The following IGSF10 variants were observed in gnomAD, a reference collection of about 807,000 sequenced individuals.
IGSF10 encodes the protein calvaria mechanical force protein 608.
A neutral mutation model predicts 128.2 loss-of-function variants in IGSF10; 126 were observed. The observed-to-expected ratio is 0.98, with a 90% CI of 0.85 to 1.14. The LOEUF is 1.14. IGSF10 is among the 50% of genes most tolerant of loss of function. IGSF10 has a pLI of 0.00. For synonymous variants in IGSF10, 1,185 were observed against 1,146.2 expected (o/e 1.03, Z -0.68); for missense variants, 3,295 against 3,149.8 (o/e 1.05, Z -1.10).
At chr3:151,498,319 C>G in the IGSF10 span, among the ~76,000 whole-genome samples, 1 of 152,152 alleles carries the variant, frequency 6.6e-6, no homozygotes, top group East Asian at 1.9e-4. Flanking sequence ...TCATAGATAG[C>G]TCTCATTATT....
the IGSF10 span, among the ~76,000 whole-genome samples, chr3:151,489,741 T>C: frequency 6.6e-6 from 1 of 152,014 alleles, no homozygotes; most frequent in Non-Finnish European, 1.5e-5. Flanking sequence ...AAACACCACA[T>C]GTTCTCACTC....
the IGSF10 span, among the ~76,000 whole-genome samples, chr3:151,528,530 A>T: frequency 6.6e-6 from 1 of 152,194 alleles, no homozygotes; most frequent in East Asian, 1.9e-4. Context: ...GAATGGTTGG[A>T]CAGTGGGTGC....
At chr3:151,583,865 T>A in the IGSF10 span, among the ~76,000 whole-genome samples, 756 of 152,344 alleles carry the variant, frequency 5.0e-3, 9 homozygotes, top group Middle Eastern at 0.058. Context: ...ATTTGTCAAG[T>A]CTGACTTTTT....
intron 7 of IGSF10, among the ~76,000 whole-genome samples, chr3:151,439,961 A>C (rs1489536849): frequency 6.6e-6 from 1 of 152,168 alleles, no homozygotes; most frequent in Non-Finnish European, 1.5e-5. Context: ...GAAAGTAAAA[A>C]CTGTTTTCAT....
the IGSF10 span, among the ~76,000 whole-genome samples, chr3:151,507,292 C>A: frequency 6.6e-6 from 1 of 152,102 alleles, no homozygotes; most frequent in African/African-American, 2.4e-5. Context: ...CTGGGAGCCA[C>A]GTGGCTACTT....
chr3:151,492,808 AATC>A, the IGSF10 span, among the ~76,000 whole-genome samples: 7 of 152,316 alleles, frequency 4.6e-5, no homozygotes, highest in East Asian at 1.2e-3. Context: ...AAGGAGATGA[AATC>A]ATCACTTCAA....
At chr3:151,583,148 A>T in the IGSF10 span, among the ~76,000 whole-genome samples, 2 of 150,836 alleles carry the variant, frequency 1.3e-5, no homozygotes, top group Non-Finnish European at 3.0e-5. Flanking sequence ...TAGTTAACTA[A>T]TTTTTTTGTT....
chr3:151,460,415 G>C, intron 1 of IGSF10, 68 bp from the exon 2 acceptor site: 1 of 386,206 alleles, frequency 2.6e-6, no homozygotes, highest in South Asian at 1.1e-4. Flanking sequence ...TTACAGCCAG[G>C]AGTAATGCTC....
the IGSF10 span, among the ~76,000 whole-genome samples, chr3:151,529,724 A>T: frequency 6.6e-6 from 1 of 152,310 alleles, no homozygotes; most frequent in East Asian, 1.9e-4. Flanking sequence ...TCAAAGACCA[A>T]AGGTAGATAA....
intron 4 of IGSF10, among the ~76,000 whole-genome samples, chr3:151,454,489 ATC>A (rs1336951905): frequency 1.3e-5 from 2 of 152,178 alleles, no homozygotes; most frequent in African/African-American, 4.8e-5. Context: ...CAGGTGAGAC[ATC>A]TGCTATGAGT....
At chr3:151,483,272 G>T in the IGSF10 span, among the ~76,000 whole-genome samples, 1 of 152,070 alleles carries the variant, frequency 6.6e-6, no homozygotes, top group Non-Finnish European at 1.5e-5. Context: ...AACATAAAAA[G>T]ATGTAAATTA....
the IGSF10 span, among the ~76,000 whole-genome samples, chr3:151,492,637 G>A: frequency 6.6e-6 from 1 of 152,116 alleles, no homozygotes; most frequent in South Asian, 2.1e-4. Flanking sequence ...AGAATCACTG[G>A]AAACTGGGAA....
the IGSF10 span, among the ~76,000 whole-genome samples, chr3:151,533,644 A>C: frequency 6.6e-6 from 1 of 152,216 alleles, no homozygotes; most frequent in Non-Finnish European, 1.5e-5. Context: ...ACCTTATACA[A>C]AAATTAACTC....
At chr3:151,496,492 C>T in the IGSF10 span, among the ~76,000 whole-genome samples, 1 of 140,950 alleles carries the variant, frequency 7.1e-6, no homozygotes, top group African/African-American at 2.7e-5. Context: ...TGATGGTTTC[C>T]AGCTTCATCC....
intron 5 of IGSF10, among the ~76,000 whole-genome samples, chr3:151,449,980 G>A (rs1480998115): frequency 6.6e-6 from 1 of 152,158 alleles, no homozygotes. Context: ...TGGTTCCCTT[G>A]GATGAGGTAG....
At chr3:151,470,076 G>A in the IGSF10 span, among the ~76,000 whole-genome samples, 1 of 152,182 alleles carries the variant, frequency 6.6e-6, no homozygotes, top group Non-Finnish European at 1.5e-5. Flanking sequence ...CACTTGGCCT[G>A]TAATGCCACA....
the IGSF10 span, among the ~76,000 whole-genome samples, chr3:151,544,691 CTTTTT>C: frequency 7.2e-6 from 1 of 138,548 alleles, no homozygotes; most frequent in Non-Finnish European, 1.6e-5. Context: ...GATTTTCTCT[CTTTTT>C]TTTTTTTTTC....
Position 151,442,989 on chromosome 3 carries a change from C to G in IGSF10, c.5958G>C (p.Gln1986His), listed in dbSNP as rs150778672. The change falls in exon 7 of 8, where the codon CAG becomes CAC. Residue 1986 changes from glutamine to histidine, a missense_variant. Coordinates refer to ENST00000282466, the MANE Select transcript of IGSF10 (RefSeq NM_178822.5). ...RLPSKAVVDQ[Q>H]HRVGSWIHVY... Reference sequence around the variant, plus strand: ...ACCCAAAGGTATAGACTTACCTATGCTGCTGGTCGACCACAGCCTTGGATG... The same window carrying G: ...ACCCAAAGGTATAGACTTACCTATGGTGCTGGTCGACCACAGCCTTGGATG... 2 of 1,612,884 alleles carry G rather than the reference C, an allele frequency of 1.2e-6. No homozygotes were observed. Among genetic ancestry groups the G allele is most frequent in the Admixed American group, 1.7e-5 (1 of 59,986 alleles).
chr3:151,485,177 C>T, the IGSF10 span, among the ~76,000 whole-genome samples: 3 of 151,580 alleles, frequency 2.0e-5, no homozygotes, highest in African/African-American at 4.9e-5. Flanking sequence ...ATAGCCAAAT[C>T]GATCAAGTGG....
Sources: allele counts gnomAD v4.1 joint callset (sites outside exome capture counted in the v4.1 genomes callset), GRCh38; gene constraint gnomAD v4.1.1; transcripts MANE v1.5; gene names NCBI Gene and HGNC (gene_info 2026-07-23, HGNC 2026-07-21).